Variants in SGPP1 observed in about 807,000 individuals in gnomAD.
SGPP1 encodes hSPP1.
SGPP1 carries 21 observed loss-of-function variants against 33.0 expected under a neutral mutation model. That is an observed-to-expected ratio of 0.64 (90% CI 0.45 to 0.92). The LOEUF (loss-of-function observed/expected upper bound fraction) is 0.92. SGPP1 is among the 40% of genes least tolerant of loss of function. The pLI is 0.00. For synonymous variants in SGPP1, 239 were observed against 241.2 expected, an observed-to-expected ratio of 0.99 and a Z score of 0.08; for missense variants, 543 against 589.4, an observed-to-expected ratio of 0.92 and a Z score of 0.81.
intron 1 of SGPP1, among the ~76,000 whole-genome samples, chr14:63,702,831 A>T (rs1280012805): frequency 6.6e-6 from 1 of 152,240 alleles, no homozygotes; most frequent in East Asian, 1.9e-4. Context: ...CAAAGTAAAA[A>T]AGAATTTCAT....
intron 1 of SGPP1, among the ~76,000 whole-genome samples, chr14:63,713,309 T>C (rs1885560353): frequency 6.6e-6 from 1 of 152,168 alleles, no homozygotes; most frequent in Admixed American, 6.6e-5. Context: ...CTCAGAACAA[T>C]ACTTTTTTTC....
chr14:63,699,158 T>C (rs544628059), intron 1 of SGPP1, among the ~76,000 whole-genome samples: 1 of 152,368 alleles, frequency 6.6e-6, no homozygotes, highest in South Asian at 2.1e-4. Context: ...CAACACTTTG[T>C]ACTTAGTTTT....
At chr14:63,722,361 GAAAAAAA>G (rs34786841) in intron 1 of SGPP1, among the ~76,000 whole-genome samples, 4 of 97,812 alleles carry the variant, frequency 4.1e-5, no homozygotes, top group South Asian at 3.4e-4. Context: ...TGTCTCTATT[GAAAAAAA>G]AAAAAAAAAA....
intron 1 of SGPP1, among the ~76,000 whole-genome samples, chr14:63,709,129 C>A (rs1373913994): frequency 6.6e-6 from 1 of 152,116 alleles, no homozygotes; most frequent in Non-Finnish European, 1.5e-5. Flanking sequence ...AATCCCAGTA[C>A]TTTGGGAGGC....
At chr14:63,714,719 C>A (rs1250965131) in intron 1 of SGPP1, among the ~76,000 whole-genome samples, 1 of 151,660 alleles carries the variant, frequency 6.6e-6, no homozygotes, top group East Asian at 1.9e-4. Flanking sequence ...CCATGCCCAG[C>A]CTTGACCTCC....
At chr14:63,699,443 A>G (rs192704921) in intron 1 of SGPP1, among the ~76,000 whole-genome samples, 211 of 152,282 alleles carry the variant, frequency 1.4e-3, no homozygotes, top group Middle Eastern at 3.4e-3. Context: ...AAATTTCTCA[A>G]TGAAATTGAA....
rs1278473514 is a variant in SGPP1 at position 63,688,716 on chromosome 14, TTTTTTTTTC to T, written c.775-2069_775-2061del. On this transcript the variant is annotated intron_variant, in intron 2 of 2. Transcript: ENST00000247225. ...GTCTTCAAAAACAACCGTCATTTCT[TTTTTTTTTC>T]TTTTTTTTTTTTTTGAGATGGAGTC... Among the ~76,000 whole-genome samples the T allele has an allele frequency of 7.1e-4, 102 of 143,288 alleles. 2 individuals are homozygous for T. In the East Asian group the frequency reaches 0.012, roughly 17 times the overall value. The allele number at this position is 143,288 out of a possible 152,430, so 94.0% of individuals were successfully genotyped here.
chr14:63,727,975 C>T lies in SGPP1; in HGVS notation c.-31G>A, dbSNP rs1174701351. On this transcript the variant is annotated 5_prime_UTR_variant, in exon 1 of 3. Coordinates refer to ENST00000247225, the MANE Select transcript of SGPP1 (RefSeq NM_030791.4). Reference sequence around the variant, plus strand: ...CGGAACCCCCGGGAAGGCGGGCCGGCCTCCGGCGCAGCCCCGAACTGTCCC... The same window carrying T: ...CGGAACCCCCGGGAAGGCGGGCCGGTCTCCGGCGCAGCCCCGAACTGTCCC... The T allele has an allele frequency of 1.3e-6, 2 of 1,526,508 alleles. No homozygotes were observed. The highest frequency in any genetic ancestry group is 8.7e-7 in the Non-Finnish European group (1 of 1,145,660). The allele number at this position is 1,526,508 out of a possible 1,614,324, so 94.6% of individuals were successfully genotyped here. A position where few individuals can be genotyped will look rare whatever the true frequency, so the allele number is the denominator to read the frequency against.
chr14:63,696,735 C>T (rs1461166587), intron 2 of SGPP1, among the ~76,000 whole-genome samples: 1 of 152,096 alleles, frequency 6.6e-6, no homozygotes, highest in Admixed American at 6.5e-5. Context: ...TCTGTAATCC[C>T]AGCACTTTGG....
intron 1 of SGPP1, among the ~76,000 whole-genome samples, chr14:63,714,491 G>C (rs1227857602): frequency 6.6e-6 from 1 of 152,126 alleles, no homozygotes; most frequent in East Asian, 1.9e-4. Flanking sequence ...CATGATTATA[G>C]TTCGCTGCAG....
At chr14:63,692,049 A>T (rs1885102843) in intron 2 of SGPP1, among the ~76,000 whole-genome samples, 1 of 152,262 alleles carries the variant, frequency 6.6e-6, no homozygotes, top group African/African-American at 2.4e-5. Flanking sequence ...CAAGAGCTCT[A>T]TAAGAGAAGC....
At chr14:63,687,656 T>A (rs374507852) in intron 2 of SGPP1, among the ~76,000 whole-genome samples, 3 of 152,234 alleles carry the variant, frequency 2.0e-5, no homozygotes, top group African/African-American at 7.2e-5. Flanking sequence ...GTAGAGGGAA[T>A]ATCAAGTGCA....
At chr14:63,726,726 T>C (rs1885889179) in intron 1 of SGPP1, among the ~76,000 whole-genome samples, 3 of 152,188 alleles carry the variant, frequency 2.0e-5, no homozygotes, top group South Asian at 2.1e-4. Context: ...TTAACTTCCA[T>C]AAAGGGAACT....
chr14:63,711,779 G>A (rs1298326785), intron 1 of SGPP1, among the ~76,000 whole-genome samples: 4 of 152,106 alleles, frequency 2.6e-5, no homozygotes, highest in South Asian at 4.1e-4. Context: ...GTCAAGGCCT[G>A]TAATCCCAGG....
chr14:63,713,290 G>A (rs533386167), intron 1 of SGPP1, among the ~76,000 whole-genome samples: 1 of 152,284 alleles, frequency 6.6e-6, no homozygotes, highest in Admixed American at 6.5e-5. Flanking sequence ...AGCTTGCCAA[G>A]CAGGAAACCT....
At chr14:63,693,945 T>C (rs1425412652) in intron 2 of SGPP1, among the ~76,000 whole-genome samples, 1 of 152,136 alleles carries the variant, frequency 6.6e-6, no homozygotes, top group African/African-American at 2.4e-5. Flanking sequence ...TATAAGCATA[T>C]GTTCAATCCT....
At chr14:63,692,101 G>A (rs1348608451) in intron 2 of SGPP1, among the ~76,000 whole-genome samples, 1 of 152,118 alleles carries the variant, frequency 6.6e-6, no homozygotes, top group African/African-American at 2.4e-5. Flanking sequence ...AGACATTTTT[G>A]GAGAATAATA....
chr14:63,719,488 C>T (rs1595072654), intron 1 of SGPP1, among the ~76,000 whole-genome samples: 1 of 151,762 alleles, frequency 6.6e-6, no homozygotes. Context: ...ATTTAAATGC[C>T]TATATTCTTT....
At chr14:63,695,781 CAT>C (rs1885175426) in intron 2 of SGPP1, among the ~76,000 whole-genome samples, 2 of 152,070 alleles carry the variant, frequency 1.3e-5, no homozygotes, top group Non-Finnish European at 1.5e-5. Context: ...CATTATAGTA[CAT>C]GTTTGTAGTC....
Sources: gnomAD v4.1 joint callset for allele counts (sites outside exome capture counted in the v4.1 genomes callset) on GRCh38, gnomAD v4.1.1 for gene constraint, MANE v1.5 for transcripts, NCBI Gene and HGNC (gene_info 2026-07-23, HGNC 2026-07-21) for gene names.